The following MCTP1 variants were observed in gnomAD, a reference collection of about 807,000 sequenced individuals.
The protein encoded by MCTP1 is multiple C2 and transmembrane domain containing 1, also known as multiple C2 and transmembrane domain-containing protein 1.
MCTP1 carries 69 observed loss-of-function variants against 120.6 expected under a neutral mutation model. The observed-to-expected ratio is 0.57, with a 90% CI of 0.47 to 0.70. The LOEUF (loss-of-function observed/expected upper bound fraction) is 0.70. Ranked by LOEUF, MCTP1 falls within the 30% of genes least tolerant of loss-of-function variation. The probability of loss-of-function intolerance (pLI) is 0.00; values close to 1 mark genes in which losing one functional copy is unlikely to be tolerated. For missense variants in MCTP1, 1,203 were observed against 1,248.8 expected, an observed-to-expected ratio of 0.96 and a Z score of 0.55; for synonymous variants, 529 against 493.1, an observed-to-expected ratio of 1.07 and a Z score of -0.96.
At chr5:95,117,342 G>C (rs774748154) in intron 1 of MCTP1, among the ~76,000 whole-genome samples, 1 of 120,978 alleles carries the variant, frequency 8.3e-6, no homozygotes, top group African/African-American at 3.2e-5. Flanking sequence ...AGTGAGCCAA[G>C]ATTGCGCCAC....
intron 1 of MCTP1, among the ~76,000 whole-genome samples, chr5:95,267,087 T>C: frequency 6.6e-6 from 1 of 152,228 alleles, no homozygotes; most frequent in East Asian, 1.9e-4. Flanking sequence ...AAAATTTAGA[T>C]TTTATGTCTG....
intron 18 of MCTP1, among the ~76,000 whole-genome samples, chr5:94,785,326 A>T (rs1418479964): frequency 6.6e-6 from 1 of 152,126 alleles, no homozygotes; most frequent in Admixed American, 6.5e-5. Context: ...AGGCTTTACA[A>T]TGTATTGGGT....
chr5:94,947,575 T>TAGAGAGAG (rs1252999006), intron 3 of MCTP1, among the ~76,000 whole-genome samples: 1 of 47,428 alleles, frequency 2.1e-5, no homozygotes, highest in Non-Finnish European at 3.9e-5. Context: ...TATATATATA[T>TAGAGAGAG]ATAGAGAGAG....
At chr5:95,077,764 G>T (rs1436292765) in intron 1 of MCTP1, among the ~76,000 whole-genome samples, 1 of 152,144 alleles carries the variant, frequency 6.6e-6, no homozygotes, top group Non-Finnish European at 1.5e-5. Flanking sequence ...GAGCCACTGC[G>T]CCTGGCCAGT....
chr5:94,886,420 G>C (rs1801340202), intron 12 of MCTP1, among the ~76,000 whole-genome samples: 1 of 151,984 alleles, frequency 6.6e-6, no homozygotes, highest in Non-Finnish European at 1.5e-5. Flanking sequence ...AACATTTTTT[G>C]CTGAAACAAT....
chr5:95,145,211 G>A (rs1760281095), intron 1 of MCTP1, among the ~76,000 whole-genome samples: 2 of 152,250 alleles, frequency 1.3e-5, no homozygotes, highest in East Asian at 1.9e-4. Flanking sequence ...TGTTATTGGT[G>A]TATAGAAATG....
chr5:95,214,659 T>G (rs934461091), intron 1 of MCTP1, among the ~76,000 whole-genome samples: 2 of 152,078 alleles, frequency 1.3e-5, no homozygotes, highest in African/African-American at 4.8e-5. Context: ...ATGTGGCACA[T>G]ATACACCATG....
At chr5:95,030,788 C>T (rs746672338) in intron 1 of MCTP1, among the ~76,000 whole-genome samples, 1 of 152,112 alleles carries the variant, frequency 6.6e-6, no homozygotes, top group Non-Finnish European at 1.5e-5. Context: ...TAAAGGACTA[C>T]TCTCACTCTC....
At chr5:95,099,233 C>T (rs1446708920) in intron 1 of MCTP1, among the ~76,000 whole-genome samples, 2 of 152,198 alleles carry the variant, frequency 1.3e-5, no homozygotes, top group African/African-American at 4.8e-5. Context: ...ATGTCTAAAA[C>T]ACCAAAAGCA....
intron 17 of MCTP1, among the ~76,000 whole-genome samples, chr5:94,865,354 A>G (rs1796609310): frequency 6.6e-6 from 1 of 151,942 alleles, no homozygotes; most frequent in Non-Finnish European, 1.5e-5. Flanking sequence ...TTAAAATAGA[A>G]TAGAAAAAAG....
intron 1 of MCTP1, among the ~76,000 whole-genome samples, chr5:95,058,818 A>G (rs1748137569): frequency 6.6e-6 from 1 of 152,134 alleles, no homozygotes; most frequent in Non-Finnish European, 1.5e-5. Flanking sequence ...TCAGGGGACA[A>G]AAAGAGCGAT....
At chr5:94,944,139 G>T (rs1392627465) in intron 3 of MCTP1, among the ~76,000 whole-genome samples, 1 of 151,820 alleles carries the variant, frequency 6.6e-6, no homozygotes, top group African/African-American at 2.4e-5. Context: ...TAAATACTTT[G>T]CATTACAAAA....
rs909460225 is a variant in MCTP1, at chr5:95,117,985, G to A, written c.721-100501C>T. 7.9e-5 allele frequency among the ~76,000 whole-genome samples: 12 copies of A among 152,268 alleles called. No homozygotes were observed. The East Asian group carries it at 1.9e-3, about 25-fold the overall frequency. ...CAATGAGGACACACGGACACAGGGA[G>A]AAGAAAGGGGAACAATACATATGGG... On this transcript the variant is annotated intron_variant, in intron 1 of 22. Coordinates refer to ENST00000515393, the MANE Select transcript of MCTP1 (RefSeq NM_024717.7).
intron 2 of MCTP1, among the ~76,000 whole-genome samples, chr5:95,009,574 T>C (rs1485090867): frequency 6.6e-6 from 1 of 151,102 alleles, no homozygotes; most frequent in Non-Finnish European, 1.5e-5. Flanking sequence ...CATATTCATA[T>C]ATATGAATAT....
chr5:95,118,247 A>T (rs1757963571), intron 1 of MCTP1, among the ~76,000 whole-genome samples: 1 of 152,178 alleles, frequency 6.6e-6, no homozygotes, highest in Non-Finnish European at 1.5e-5. Context: ...AAAAATAAAG[A>T]GGTTAAGGTG....
chr5:95,223,967 T>G (rs185798153), intron 1 of MCTP1, among the ~76,000 whole-genome samples: 25 of 152,228 alleles, frequency 1.6e-4, no homozygotes, highest in Admixed American at 7.2e-4. Flanking sequence ...ACTATTTTCA[T>G]AGTAAACAAT....
intron 1 of MCTP1, among the ~76,000 whole-genome samples, chr5:95,194,075 G>C (rs1286867615): frequency 6.6e-6 from 1 of 152,100 alleles, no homozygotes; most frequent in East Asian, 1.9e-4. Flanking sequence ...AATTAGCCAA[G>C]CATGGTAGCT....
chr5:95,038,699 A>G (rs144249510), intron 1 of MCTP1, among the ~76,000 whole-genome samples: 2 of 152,312 alleles, frequency 1.3e-5, no homozygotes, highest in South Asian at 2.1e-4. Flanking sequence ...AAGGTGATGT[A>G]TTTAAGGGAC....
intron 1 of MCTP1, among the ~76,000 whole-genome samples, chr5:95,226,001 A>AT (rs1754220549): frequency 6.6e-6 from 1 of 152,034 alleles, no homozygotes. Context: ...CTCTAATTTT[A>AT]TTTTTTAAAT....
Sources: gnomAD v4.1 joint callset for allele counts (sites outside exome capture counted in the v4.1 genomes callset) on GRCh38, gnomAD v4.1.1 for gene constraint, MANE v1.5 for transcripts, NCBI Gene and HGNC (gene_info 2026-07-23, HGNC 2026-07-21) for gene names.